TM4SF20: variants seen among roughly 807,000 people sequenced by gnomAD.
TM4SF20 encodes transmembrane 4 L6 family member 20.
TM4SF20 carries 13 observed loss-of-function variants against 15.1 expected under a neutral mutation model. The ratio of observed to expected loss-of-function variants is 0.86; its 90% CI spans 0.56 to 1.36. The LOEUF is 1.36. Ranked by LOEUF, TM4SF20 falls within the 40% of genes most tolerant of loss-of-function variation. The probability of loss-of-function intolerance (pLI) is 0.00; values close to 1 mark genes in which losing one functional copy is unlikely to be tolerated. For missense variants in TM4SF20, 282 were observed against 268.4 expected, an observed-to-expected ratio of 1.05 and a Z score of -0.35; for synonymous variants, 92 against 96.6, an observed-to-expected ratio of 0.95 and a Z score of 0.28.
chr2:227,363,895 A>G lies in TM4SF20; in HGVS notation c.519T>C (p.Ser173=), dbSNP rs955515398. 2 of 1,614,200 alleles carry G rather than the reference A, an allele frequency of 1.2e-6. No individual in the cohort carries two copies. Among genetic ancestry groups the G allele is most frequent in the East Asian group, 2.2e-5 (1 of 44,884 alleles). ...NDTMASGWRA[S]SFHFDSEENK... is the part of the protein sequence containing the mutation. The stretch of plus-strand genomic sequence containing the variant: ...TTTCTTCAGAATCGAAGTGGAAACT[A>G]GATGCTCTCCAGCCACTCGCCATGG... Residue 173 remains serine (S), a synonymous_variant, in exon 4 of 4, where the codon TCT becomes TCC. Coordinates refer to ENST00000304568, the MANE Select transcript of TM4SF20 (RefSeq NM_024795.4).
chr2:227,375,109 A>G (rs2076441084), intron 1 of TM4SF20, among the ~76,000 whole-genome samples: 1 of 151,548 alleles, frequency 6.6e-6, no homozygotes, highest in African/African-American at 2.4e-5. Flanking sequence ...GTATTTTTTG[A>G]TAGAAACGGG....
intron 3 of TM4SF20, among the ~76,000 whole-genome samples, chr2:227,365,873 C>CAATATCTAAAAGTCCTTTTAGAG (rs2076390204): frequency 6.6e-6 from 1 of 152,160 alleles, no homozygotes; most frequent in Non-Finnish European, 1.5e-5. Context: ...TCCTTTTAGA[C>CAATATCTAAAAGTCCTTTTAGAG]AATATCTAAA....
intron 1 of TM4SF20, among the ~76,000 whole-genome samples, chr2:227,378,008 C>A (rs953017198): frequency 6.6e-6 from 1 of 152,074 alleles, no homozygotes; most frequent in Non-Finnish European, 1.5e-5. Context: ...AAAAAAGTCA[C>A]CTCCGTGTTT....
rs1380100841 is a variant in TM4SF20, at chr2:227,362,708, TC to T, written c.*1015del. 1.3e-5 allele frequency: 2 copies of T among 152,116 alleles called. No individual in the cohort carries two copies. The highest frequency in any genetic ancestry group is 2.9e-5 in the Non-Finnish European group (2 of 68,022). The allele number at this position is 152,116 out of a possible 1,614,324, so 9.4% of individuals were successfully genotyped here. A position where few individuals can be genotyped will look rare whatever the true frequency, so the allele number is the denominator to read the frequency against. On this transcript the variant is annotated 3_prime_UTR_variant, in exon 4 of 4. Transcript: ENST00000304568. Reference sequence around the variant, plus strand: ...ATTTTGTGGTTAGACTTGCATCCCATCCCCAAGATGTCTCATTATTATAGGC... The same window carrying T: ...ATTTTGTGGTTAGACTTGCATCCCATCCCAAGATGTCTCATTATTATAGGC...
intron 2 of TM4SF20, among the ~76,000 whole-genome samples, chr2:227,368,673 CTTTGAG>C (rs1453326120): frequency 6.6e-6 from 1 of 152,132 alleles, no homozygotes; most frequent in Non-Finnish European, 1.5e-5. Flanking sequence ...GCCATATTAT[CTTTGAG>C]TTCTCATCCC....
At chr2:227,369,627 C>T (rs1331089050) in intron 2 of TM4SF20, among the ~76,000 whole-genome samples, 1 of 152,038 alleles carries the variant, frequency 6.6e-6, no homozygotes, top group Non-Finnish European at 1.5e-5. Flanking sequence ...CGGGGTTTCA[C>T]CATGTTGGCC....
chr2:227,368,019 A>AT (rs1226126996), intron 2 of TM4SF20, among the ~76,000 whole-genome samples: 37,227 of 119,650 alleles, frequency 0.31, 7,369 homozygotes, highest in African/African-American at 0.5. Flanking sequence ...TTAACCATCT[A>AT]TTTTTTTTTT....
At chr2:227,368,356 A>G (rs1305831381) in intron 2 of TM4SF20, among the ~76,000 whole-genome samples, 1 of 68,018 alleles carries the variant, frequency 1.5e-5, no homozygotes, top group Non-Finnish European at 3.1e-5. Context: ...TATATATATA[A>G]TTTTTTGTTT....
upstream of TM4SF20, among the ~76,000 whole-genome samples, chr2:227,380,091 G>A (rs2076472395): frequency 6.6e-6 from 1 of 152,232 alleles, no homozygotes; most frequent in Admixed American, 6.5e-5. Context: ...TGCTTTGGGA[G>A]GCCAAAGCGA....
chr2:227,374,229 T>A (rs1338430491), intron 1 of TM4SF20, among the ~76,000 whole-genome samples: 1 of 152,184 alleles, frequency 6.6e-6, no homozygotes, highest in Non-Finnish European at 1.5e-5. Flanking sequence ...AATATTTCCT[T>A]TCATGATTCA....
intron 1 of TM4SF20, 61 bp from the exon 2 acceptor site, chr2:227,371,041 TA>T: frequency 7.2e-7 from 1 of 1,395,436 alleles, no homozygotes; most frequent in Non-Finnish European, 1.0e-6. Flanking sequence ...GAAAAAATAG[TA>T]ATCTTCACCT....
At chr2:227,376,500 A>G (rs2076451228) in intron 1 of TM4SF20, among the ~76,000 whole-genome samples, 1 of 152,200 alleles carries the variant, frequency 6.6e-6, no homozygotes, top group Non-Finnish European at 1.5e-5. Context: ...TAAAGTTCAT[A>G]TTGGACTTTT....
At chr2:227,379,841 G>C (rs1245178259), upstream of TM4SF20, among the ~76,000 whole-genome samples, 1 of 152,210 alleles carries the variant, frequency 6.6e-6, no homozygotes, top group Non-Finnish European at 1.5e-5. Flanking sequence ...GAGAGCTTTG[G>C]CTAATGCTAC....
At position 227,363,822 on chromosome 2, in the gene TM4SF20, C is replaced by T; in HGVS notation, c.592G>A (p.Val198Ile). 6.2e-7 allele frequency: 1 copy of T among 1,614,182 alleles called. No homozygotes were observed. Among genetic ancestry groups the T allele is most frequent in the Non-Finnish European group, 8.5e-7 (1 of 1,180,048 alleles). Reference sequence around the variant, plus strand: ...CCAAACAGGACCTCCAGAATTCCAACAAGCAATAGACCTAAAAATACTGAG... The same window carrying T: ...CCAAACAGGACCTCCAGAATTCCAATAAGCAATAGACCTAAAAATACTGAG... Reference protein sequence around the residue: ...HFSVFLGLLLVGILEVLFGLS... With the variant: ...HFSVFLGLLLIGILEVLFGLS... Residue 198 changes from valine (V) to isoleucine (I), a missense_variant, in exon 4 of 4, where the codon GTT (valine) becomes ATT (isoleucine). Physicochemically the swap from Val to Ile is conservative, Grantham distance 29. Coordinates refer to ENST00000304568, the MANE Select transcript of TM4SF20 (RefSeq NM_024795.4).
At chr2:227,381,174 G>C (rs373015642), upstream of TM4SF20, among the ~76,000 whole-genome samples, 2 of 152,014 alleles carry the variant, frequency 1.3e-5, no homozygotes, top group South Asian at 2.1e-4. Context: ...CTACTCAGGA[G>C]ACTGAGGCAG....
At chr2:227,365,376 A>G (rs1281694778) in intron 3 of TM4SF20, among the ~76,000 whole-genome samples, 2 of 152,224 alleles carry the variant, frequency 1.3e-5, no homozygotes, top group African/African-American at 4.8e-5. Context: ...GAGGTAATGG[A>G]TTAGATAGTT....
rs376558640 is a variant in TM4SF20, at chr2:227,366,216, A to T, written c.278T>A (p.Ile93Asn). 2 of 1,611,568 alleles carry T rather than the reference A, an allele frequency of 1.2e-6. No individual in the cohort carries two copies. Among genetic ancestry groups the T allele is most frequent in the South Asian group, 2.2e-5 (2 of 90,420 alleles). ...GMFLSSLFSV[I>N]TVIGALYCML... ...GCAATACAGAGCACCAATGACTGTG[A>T]TCACACTGAAAAGTGATGAAAGAAA... Residue 93 changes from isoleucine to asparagine, a missense_variant, in exon 3 of 4, where the codon ATC (isoleucine) becomes AAC (asparagine). By Grantham distance (149) the Ile-to-Asn change is moderately radical (BLOSUM62 -3). Transcript: ENST00000304568.
chr2:227,373,267 TCC>T (rs376590438), intron 1 of TM4SF20, among the ~76,000 whole-genome samples: 3,587 of 152,284 alleles, frequency 0.024, 141 homozygotes, highest in African/African-American at 0.081. Context: ...ATGTACTGCC[TCC>T]ATGTCACTTT....
intron 2 of TM4SF20, among the ~76,000 whole-genome samples, chr2:227,366,756 A>T (rs1015526109): frequency 8.6e-5 from 11 of 128,100 alleles, no homozygotes; most frequent in African/African-American, 3.1e-4. Context: ...AAAAAAAAAA[A>T]GATGGTTTGG....
Sources: allele counts gnomAD v4.1 joint callset (sites outside exome capture counted in the v4.1 genomes callset), GRCh38; gene constraint gnomAD v4.1.1; transcripts MANE v1.5; gene names NCBI Gene and HGNC (gene_info 2026-07-23, HGNC 2026-07-21).